Variants in MFHAS1 observed in about 807,000 individuals in gnomAD.
MFHAS1 encodes multifunctional ROCO family signaling regulator 1.
A neutral mutation model predicts 70.4 loss-of-function variants in MFHAS1; 50 were observed. The observed-to-expected ratio is 0.71, with a 90% CI of 0.57 to 0.90. The LOEUF is 0.90. Among genes scored for constraint, MFHAS1 ranks in the 40% least tolerant of loss-of-function variants. The pLI is 0.00. For missense variants in MFHAS1, 1,795 were observed against 1,347.6 expected (o/e 1.33, Z -5.20); for synonymous variants, 952 against 620.0 (o/e 1.54, Z -7.96).
intron 1 of MFHAS1, among the ~76,000 whole-genome samples, chr8:8,865,276 CAAAAAAAA>C (rs35910015): frequency 3.1e-5 from 2 of 64,708 alleles, no homozygotes; most frequent in Non-Finnish European, 5.7e-5. Context: ...GACTCCATCT[CAAAAAAAA>C]AAAAAAAAAA....
intron 1 of MFHAS1, among the ~76,000 whole-genome samples, chr8:8,864,992 C>T (rs1808802161): frequency 6.6e-6 from 1 of 152,106 alleles, no homozygotes; most frequent in South Asian, 2.1e-4. Context: ...AAACATGTTT[C>T]AGGCCAGGTC....
intron 1 of MFHAS1, among the ~76,000 whole-genome samples, chr8:8,852,605 G>T (rs1349838962): frequency 6.6e-6 from 1 of 152,260 alleles, no homozygotes; most frequent in East Asian, 1.9e-4. Flanking sequence ...CAAAATAATT[G>T]GTTCTGTGGA....
chr8:8,811,010 C>A (rs1354532862), intron 1 of MFHAS1, among the ~76,000 whole-genome samples: 3 of 152,128 alleles, frequency 2.0e-5, no homozygotes, highest in Non-Finnish European at 4.4e-5. Flanking sequence ...CAGAAGGAAC[C>A]TTGAAATGGC....
chr8:8,842,847 G>A (rs951118170), intron 1 of MFHAS1, among the ~76,000 whole-genome samples: 11 of 152,212 alleles, frequency 7.2e-5, no homozygotes, highest in Non-Finnish European at 1.0e-4. Context: ...GACACAGGAC[G>A]GATGCTCATA....
chr8:8,811,364 G>A (rs1806540743), intron 1 of MFHAS1, among the ~76,000 whole-genome samples: 1 of 151,810 alleles, frequency 6.6e-6, no homozygotes. Flanking sequence ...CTGGAGTACA[G>A]TGGCGCAATC....
Position 8,892,849 on chromosome 8 carries a change from C to T in MFHAS1, c.210G>A (p.Leu70=), listed in dbSNP as rs1473590489. ...GTACCTCCTCCAGGCCGTTGTTCCC[C>T]AGGTTCAGTGCCTCAATGTCCCCGA... The part of the protein sequence containing the change: ...ANLGDIEALN[L]GNNGLEEVPE... Residue 70 remains leucine (L), a synonymous_variant, in exon 1 of 3, where the codon CTG becomes CTA. Coordinates refer to ENST00000276282, the MANE Select transcript of MFHAS1 (RefSeq NM_004225.3). This position sits in a 1 kb window ranked among gnomAD's most constrained non-coding sequence, Gnocchi z 4.7. The T allele has an allele frequency of 1.3e-6, 2 of 1,597,758 alleles. No homozygotes were observed. The highest frequency in any genetic ancestry group is 1.7e-6 in the Non-Finnish European group (2 of 1,172,778).
chr8:8,816,049 G>T (rs1806729847), intron 1 of MFHAS1, among the ~76,000 whole-genome samples: 1 of 152,152 alleles, frequency 6.6e-6, no homozygotes, highest in African/African-American at 2.4e-5. Context: ...AAACAAGCCA[G>T]ACCAAAAACA....
chr8:8,889,091 G>C (rs1047248277), intron 1 of MFHAS1, among the ~76,000 whole-genome samples: 1 of 148,508 alleles, frequency 6.7e-6, no homozygotes, highest in Non-Finnish European at 1.5e-5. Flanking sequence ...ACTTGCTTAT[G>C]ATGGTTTAAA....
intron 2 of MFHAS1, among the ~76,000 whole-genome samples, chr8:8,792,147 G>A (rs1259106568): frequency 6.7e-6 from 1 of 150,214 alleles, no homozygotes; most frequent in Non-Finnish European, 1.5e-5. Flanking sequence ...GATAACAGGA[G>A]AATCATTTGA....
chr8:8,815,875 A>G lies in MFHAS1; in HGVS notation c.2999-18384T>C, dbSNP rs577276543. ...GCAGCTTCATCTGAAGTAGTCAAAA[A>G]GTAGAAACTCCCTCATTTGAAGGAA... On this transcript the variant is annotated intron_variant, in intron 1 of 2. Transcript: ENST00000276282. Among the ~76,000 whole-genome samples the G allele has an allele frequency of 2.0e-5, 3 of 152,354 alleles. No homozygotes were observed. In the South Asian group the frequency reaches 6.2e-4, roughly 32 times the overall value.
At chr8:8,796,734 G>A (rs1245240507) in intron 2 of MFHAS1, among the ~76,000 whole-genome samples, 1 of 124,898 alleles carries the variant, frequency 8.0e-6, no homozygotes, top group Non-Finnish European at 1.6e-5. Context: ...GGTGGCTCAC[G>A]CCTGTAATCC....
At position 8,892,006 on chromosome 8, in the gene MFHAS1, C is replaced by G. The variant is rs573339630; in HGVS notation, c.1053G>C (p.Gly351=). 8.7e-6 allele frequency: 14 copies of G among 1,613,582 alleles called. No individual in the cohort carries two copies. In the South Asian group the frequency reaches 1.5e-4, roughly 18 times the overall value. The change falls in exon 1 of 3, where the codon GGG becomes GGC. Residue 351 remains glycine (G), a synonymous_variant. Transcript: ENST00000276282. This position sits in a 1 kb window ranked among gnomAD's most constrained non-coding sequence, Gnocchi z 4.7. ...GGTCGGGCAGCACCGCGATCTGGTTCCCCTGCAGCACGAGCTCCTCCAGGC... is the reference window on the plus strand; with the variant it reads ...GGTCGGGCAGCACCGCGATCTGGTTGCCCTGCAGCACGAGCTCCTCCAGGC... ...LTGLEELVLQ[G]NQIAVLPDHF... is the part of the protein sequence containing the mutation.
At chr8:8,810,505 TC>T (rs1264733620) in intron 1 of MFHAS1, among the ~76,000 whole-genome samples, 2 of 152,278 alleles carry the variant, frequency 1.3e-5, no homozygotes, top group East Asian at 3.9e-4. Context: ...CTCTTCCTCC[TC>T]CTCAGCTCAC....
At chr8:8,786,920 ACAAAG>A (rs1413711277) in intron 2 of MFHAS1, among the ~76,000 whole-genome samples, 5 of 152,086 alleles carry the variant, frequency 3.3e-5, no homozygotes, top group Non-Finnish European at 7.4e-5. Context: ...CATCACCAAA[ACAAAG>A]CAAAGCAAAG....
intron 1 of MFHAS1, among the ~76,000 whole-genome samples, chr8:8,874,474 C>T (rs981789961): frequency 6.6e-6 from 1 of 152,030 alleles, no homozygotes; most frequent in African/African-American, 2.4e-5. Flanking sequence ...AGGAGTACAG[C>T]ATGATCTCAT....
chr8:8,794,251 T>C (rs974399706), intron 2 of MFHAS1, among the ~76,000 whole-genome samples: 6 of 152,046 alleles, frequency 3.9e-5, no homozygotes, highest in African/African-American at 1.4e-4. Context: ...CGGCTGGAGT[T>C]GAAAGCCAGT....
chr8:8,822,964 G>C (rs1807022583), intron 1 of MFHAS1, among the ~76,000 whole-genome samples: 1 of 152,140 alleles, frequency 6.6e-6, no homozygotes, highest in Non-Finnish European at 1.5e-5. Flanking sequence ...TGGCGGGAAG[G>C]GAGGGTAACA....
At chr8:8,816,767 G>C (rs185392356) in intron 1 of MFHAS1, among the ~76,000 whole-genome samples, 1 of 152,174 alleles carries the variant, frequency 6.6e-6, no homozygotes, top group African/African-American at 2.4e-5. Flanking sequence ...AAACATAGTT[G>C]ATGGTTATAA....
At chr8:8,885,658 C>G (rs1303826989) in intron 1 of MFHAS1, among the ~76,000 whole-genome samples, 1 of 152,228 alleles carries the variant, frequency 6.6e-6, no homozygotes, top group East Asian at 1.9e-4. Flanking sequence ...ATCCTGGCTA[C>G]CAGCTATGGG....
Sources: gnomAD v4.1 joint callset for allele counts (sites outside exome capture counted in the v4.1 genomes callset) on GRCh38, gnomAD v4.1.1 for gene constraint, Gnocchi (gnomAD v3.1) non-coding constraint, MANE v1.5 for transcripts, NCBI Gene and HGNC (gene_info 2026-07-23, HGNC 2026-07-21) for gene names.